CC2D2A: variants seen among roughly 807,000 people sequenced by gnomAD.
The protein encoded by CC2D2A is coiled-coil and C2 domain-containing protein 2A.
A neutral mutation model predicts 212.9 loss-of-function variants in CC2D2A; 155 were observed. The ratio of observed to expected loss-of-function variants is 0.73; its 90% CI spans 0.64 to 0.83. CC2D2A has a LOEUF of 0.83. Ranked by LOEUF, CC2D2A falls within the 40% of genes least tolerant of loss-of-function variation. The pLI, the probability that CC2D2A is intolerant of heterozygous loss-of-function variation, is 0.00. For missense variants in CC2D2A, 1,856 were observed against 1,956.2 expected (o/e 0.95, Z 0.97); for synonymous variants, 667 against 686.5 (o/e 0.97, Z 0.44).
intron 8 of CC2D2A, among the ~76,000 whole-genome samples, chr4:15,514,044 G>A (rs1293432685): frequency 1.3e-5 from 2 of 152,274 alleles, no homozygotes; most frequent in South Asian, 2.1e-4. Context: ...AAGAGAAGAC[G>A]TTTAGAAAAT....
chr4:15,537,938 C>T lies in CC2D2A; in HGVS notation c.1804C>T (p.His602Tyr), dbSNP rs753430251. Residue 602 changes from histidine to tyrosine, a missense_variant, in exon 16 of 37, where the codon CAT (histidine) becomes TAT (tyrosine). By Grantham distance (83) the His-to-Tyr change is moderately conservative. Transcript: ENST00000424120. ...KKKRKQAAEE[H>Y]PGDEIAEPYP... is the part of the protein sequence containing the mutation. ...GAAAAGGAAACAAGCAGCAGAAGAA[C>T]ATCCCGGTGATGAGATTGCAGAGCC... is the stretch of plus-strand genomic sequence containing the variant. The T allele has an allele frequency of 6.2e-7, 1 of 1,608,570 alleles. No homozygotes were observed. The highest frequency in any genetic ancestry group is 2.2e-5 in the East Asian group (1 of 44,670).
rs373698524 is a variant in CC2D2A at position 15,563,424 on chromosome 4, G to A, written c.3084G>A (p.Arg1028=). 5.0e-6 allele frequency: 8 copies of A among 1,610,234 alleles called. No homozygotes were observed. Among genetic ancestry groups the A allele is most frequent in the Non-Finnish European group, 5.1e-6 (6 of 1,178,302 alleles). The change falls in exon 24 of 37, where the codon CGG becomes CGA. Residue 1028 remains arginine, a synonymous_variant. Transcript: ENST00000424120. ...KRPLRPRRKG[R]KKVTAQNLSD... ...CACTGCGGCCAAGGAGAAAAGGTCGGAAGAAGGTGACAGCCCAAAACCTGT... is the reference window on the plus strand; with the variant it reads ...CACTGCGGCCAAGGAGAAAAGGTCGAAAGAAGGTGACAGCCCAAAACCTGT...
intron 9 of CC2D2A, among the ~76,000 whole-genome samples, chr4:15,515,504 T>C (rs1169072668): frequency 1.3e-5 from 2 of 152,182 alleles, no homozygotes; most frequent in Non-Finnish European, 2.9e-5. Context: ...TAGATTAGTA[T>C]CTCTTTTGTA....
At position 15,533,291 on chromosome 4, in the gene CC2D2A, T is replaced by C. The variant is rs1303592909; in HGVS notation, c.1565T>C (p.Phe522Ser). Residue 522 changes from phenylalanine (F) to serine (S), a missense_variant, in exon 14 of 37, where the codon TTC (phenylalanine) becomes TCC (serine). Phe to Ser is a radical substitution (Grantham distance 155, BLOSUM62 -2). Coordinates refer to ENST00000424120, the MANE Select transcript of CC2D2A (RefSeq NM_001378615.1). Reference protein sequence around the residue: ...VWKEMKSLREFQRFTNTPLKL... With the variant: ...VWKEMKSLRESQRFTNTPLKL... Reference sequence around the variant, plus strand: ...AAAGAGATGAAATCCCTTCGAGAGTTCCAGAGATTTACAAATACTCCCTTG... The same window carrying C: ...AAAGAGATGAAATCCCTTCGAGAGTCCCAGAGATTTACAAATACTCCCTTG... 9 of 1,591,512 alleles carry C rather than the reference T, an allele frequency of 5.7e-6. No individual in the cohort carries two copies. Among genetic ancestry groups the C allele is most frequent in the Non-Finnish European group, 7.7e-6 (9 of 1,170,136 alleles).
chr4:15,526,018 G>A (rs1055108769), intron 11 of CC2D2A, among the ~76,000 whole-genome samples: 3 of 152,218 alleles, frequency 2.0e-5, no homozygotes, highest in Admixed American at 6.5e-5. Context: ...AGTTTTCAAG[G>A]GCATTTTTAA....
In CC2D2A at chr4:15,502,520, G is replaced by T; in HGVS notation, c.336+3G>T. The T allele has an allele frequency of 6.3e-7, 1 of 1,594,506 alleles. No homozygotes were observed. Among genetic ancestry groups the T allele is most frequent in the Non-Finnish European group, 8.5e-7 (1 of 1,174,292 alleles). ...GGGAGAAATTGCAAGCAGCGAGGGTGAGAGAAACCACATGAATATTCTGTT... is the reference window on the plus strand; with the variant it reads ...GGGAGAAATTGCAAGCAGCGAGGGTTAGAGAAACCACATGAATATTCTGTT... On this transcript the variant is annotated splice_donor_region_variant and intron_variant, in intron 5 of 36. Transcript: ENST00000424120.
At chr4:15,567,967 A>G (rs1010413900) in intron 26 of CC2D2A, among the ~76,000 whole-genome samples, 181 bp downstream of exon 26, 1 of 152,196 alleles carries the variant, frequency 6.6e-6, no homozygotes, top group Non-Finnish European at 1.5e-5. Flanking sequence ...CCCTTCAAGA[A>G]TAAAAATGGA....
At chr4:15,597,782 T>C (rs1721384150) in intron 35 of CC2D2A, among the ~76,000 whole-genome samples, 1 of 152,216 alleles carries the variant, frequency 6.6e-6, no homozygotes, top group South Asian at 2.1e-4. Flanking sequence ...TAAATATACC[T>C]CTTCTGTCCT....
At chr4:15,504,183 G>A (rs1434888822) in intron 6 of CC2D2A, among the ~76,000 whole-genome samples, 1 of 152,180 alleles carries the variant, frequency 6.6e-6, no homozygotes, top group African/African-American at 2.4e-5. Context: ...CCCCAAAGAA[G>A]TCACAAGTTG....
At chr4:15,589,037 C>A (rs1720974965) in intron 32 of CC2D2A, among the ~76,000 whole-genome samples, 1 of 151,776 alleles carries the variant, frequency 6.6e-6, no homozygotes, top group South Asian at 2.1e-4. Context: ...TTCCCCAACC[C>A]CCAATTCCAC....
intron 29 of CC2D2A, among the ~76,000 whole-genome samples, chr4:15,575,287 G>A (rs1720352857): frequency 6.6e-6 from 1 of 152,190 alleles, no homozygotes; most frequent in Non-Finnish European, 1.5e-5. Context: ...ACTTACAGAA[G>A]AGGAAAATAA....
At chr4:15,553,084 A>G (rs1719088780) in intron 18 of CC2D2A, 74 bp from the exon 19 acceptor site, 1 of 1,376,532 alleles carries the variant, frequency 7.3e-7, no homozygotes, top group Non-Finnish European at 9.7e-7. Context: ...TTTGTCTACT[A>G]TCTGCTTTCT....
chr4:15,563,246 GT>G (rs1191479424), intron 23 of CC2D2A, 108 bp from the exon 24 acceptor site: 9 of 1,083,474 alleles, frequency 8.3e-6, no homozygotes, highest in Non-Finnish European at 1.2e-5. Context: ...AGGACAAGGA[GT>G]TTTTCAGGGG....
In CC2D2A at chr4:15,567,917, C is replaced by T. The variant is rs115284046; in HGVS notation, c.3398+131C>T. 835 of 619,328 alleles carry T rather than the reference C, an allele frequency of 1.3e-3. 3 individuals are homozygous for T. The highest frequency in any genetic ancestry group is 0.012 in the African/African-American group (630 of 51,356). The allele number at this position is 619,328 out of a possible 1,614,324, so 38.4% of individuals were successfully genotyped here. A position where few individuals can be genotyped will look rare whatever the true frequency, so the allele number is the denominator to read the frequency against. ...CGGCAACAAGATCCAGGTGTCCTGA[C>T]GCCAAGTCCCATGCTTTTCCTCTTG... On this transcript the variant is annotated intron_variant, in intron 26 of 36. Transcript: ENST00000424120.
At chr4:15,556,134 T>G (rs1206810403) in intron 20 of CC2D2A, among the ~76,000 whole-genome samples, 1 of 152,274 alleles carries the variant, frequency 6.6e-6, no homozygotes, top group Non-Finnish European at 1.5e-5. Context: ...AACATTAGTT[T>G]ATTTTTCTTG....
intron 4 of CC2D2A, chr4:15,492,584 C>T (rs1284831409): frequency 2.5e-6 from 1 of 394,238 alleles, no homozygotes; most frequent in Non-Finnish European, 4.9e-6. Context: ...GCTCCTCCCT[C>T]TTCAGGGGGT....
In CC2D2A at chr4:15,583,512, G is replaced by C. The variant is rs185301072; in HGVS notation, c.3976-2645G>C. ...AGTTGCAGGAAACAAAATCAACATC[G>C]AAAATTTAGTAGTGTTTCTATAAAC... On this transcript the variant is annotated intron_variant, in intron 30 of 36. Transcript: ENST00000424120. Among the ~76,000 whole-genome samples the C allele has an allele frequency of 8.0e-4, 122 of 152,180 alleles. 1 individual carries two copies. The highest frequency in any genetic ancestry group is 3.2e-4 in the Non-Finnish European group (22 of 68,008).
At chr4:15,496,478 G>T (rs916029404) in intron 4 of CC2D2A, among the ~76,000 whole-genome samples, 3 of 152,130 alleles carry the variant, frequency 2.0e-5, no homozygotes, top group African/African-American at 7.2e-5. Flanking sequence ...TGAATAGGGA[G>T]TCTTTCCCCC....
intron 2 of CC2D2A, among the ~76,000 whole-genome samples, chr4:15,477,762 T>C (rs1714322930): frequency 6.6e-6 from 1 of 152,194 alleles, no homozygotes; most frequent in Non-Finnish European, 1.5e-5. Flanking sequence ...ACCAAGGCTA[T>C]TCTCTCGTTC....
Sources: allele counts gnomAD v4.1 joint callset (sites outside exome capture counted in the v4.1 genomes callset), GRCh38; gene constraint gnomAD v4.1.1; transcripts MANE v1.5; gene names NCBI Gene and HGNC (gene_info 2026-07-23, HGNC 2026-07-21).